Variants in MAGI2 observed in about 807,000 individuals in gnomAD.
MAGI2 encodes the protein membrane-associated guanylate kinase, WW and PDZ domain-containing protein 2.
MAGI2 carries 35 observed loss-of-function variants against 133.3 expected under a neutral mutation model. The observed-to-expected ratio is 0.26, with a 90% CI of 0.20 to 0.35. The LOEUF (loss-of-function observed/expected upper bound fraction) is 0.35, where lower values mean the gene tolerates loss of function less well. Among genes scored for constraint, MAGI2 ranks in the 10% least tolerant of loss-of-function variants. The pLI, the probability that MAGI2 is intolerant of heterozygous loss-of-function variation, is 1.00. For synonymous variants in MAGI2, 729 were observed against 710.6 expected (o/e 1.03, Z -0.41); for missense variants, 1,636 against 1,863.4 (o/e 0.88, Z 2.25).
At chr7:79,062,003 T>C (rs917953619) in intron 1 of MAGI2, among the ~76,000 whole-genome samples, 11 of 152,134 alleles carry the variant, frequency 7.2e-5, no homozygotes, top group Admixed American at 1.3e-4. Context: ...AAATCCACAA[T>C]ACATTTCCAG....
intron 3 of MAGI2, among the ~76,000 whole-genome samples, chr7:78,608,591 T>G (rs1017227314): frequency 1.2e-4 from 19 of 152,120 alleles, no homozygotes; most frequent in African/African-American, 4.6e-4. Context: ...ATTATCATTA[T>G]TATTCATGCT....
chr7:79,326,243 C>A (rs1839686073), intron 1 of MAGI2, among the ~76,000 whole-genome samples: 1 of 151,972 alleles, frequency 6.6e-6, no homozygotes, highest in African/African-American at 2.4e-5. Context: ...AGCACGGCTT[C>A]TAGATTTTTA....
At chr7:79,352,652 TA>T (rs1374671010) in intron 1 of MAGI2, among the ~76,000 whole-genome samples, 3 of 152,198 alleles carry the variant, frequency 2.0e-5, no homozygotes, top group Non-Finnish European at 4.4e-5. Context: ...TAATGTCAGG[TA>T]GAATTTAATA....
intron 1 of MAGI2, among the ~76,000 whole-genome samples, chr7:79,401,595 A>T (rs907273244): frequency 2.6e-5 from 4 of 152,206 alleles, no homozygotes; most frequent in African/African-American, 9.6e-5. Flanking sequence ...AAAAGTCCAA[A>T]CTTAGATACA....
chr7:78,973,423 T>C (rs1803959440), intron 2 of MAGI2, among the ~76,000 whole-genome samples: 1 of 151,798 alleles, frequency 6.6e-6, no homozygotes, highest in African/African-American at 2.4e-5. Flanking sequence ...GTTAGATTGA[T>C]GGGAAGATAG....
chr7:78,872,543 A>ATAATACTGAATAG (rs948023022), intron 2 of MAGI2, among the ~76,000 whole-genome samples: 9 of 152,110 alleles, frequency 5.9e-5, no homozygotes, highest in African/African-American at 1.7e-4. Flanking sequence ...ATAAGTCAAA[A>ATAATACTGAATAG]TAATACTGAA....
chr7:78,117,773 C>T lies in MAGI2; in HGVS notation c.3567+7921G>A, dbSNP rs546350688. Among the ~76,000 whole-genome samples the T allele has an allele frequency of 2.0e-5, 3 of 152,206 alleles. No individual in the cohort carries two copies. The South Asian group carries it at 6.2e-4, about 32-fold the overall frequency. On this transcript the variant is annotated intron_variant, in intron 20 of 21. Coordinates refer to ENST00000354212, the MANE Select transcript of MAGI2 (RefSeq NM_012301.4). ...TATGCAGAAAATCCAGAGGTAGGTA[C>T]AGATAAATTATTTGAAGTAATAAGA...
chr7:78,249,300 A>G (rs1183304358), intron 10 of MAGI2, among the ~76,000 whole-genome samples: 2 of 152,170 alleles, frequency 1.3e-5, no homozygotes, highest in East Asian at 3.8e-4. Context: ...AGAAAACAGT[A>G]TGGAAGTTCC....
At position 79,132,569 on chromosome 7, in the gene MAGI2, T is replaced by C. The variant is rs1821030201; in HGVS notation, c.302-125363A>G. On this transcript the variant is annotated intron_variant, in intron 1 of 21. Transcript: ENST00000354212. ...AATGGGCACTTAGGTTGGTTCCACATCTTTGCAATTATGAATTTTGCTTCT... is the reference window on the plus strand; with the variant it reads ...AATGGGCACTTAGGTTGGTTCCACACCTTTGCAATTATGAATTTTGCTTCT... Among the ~76,000 whole-genome samples the C allele has an allele frequency of 2.0e-5, 3 of 152,262 alleles. No individual in the cohort carries two copies. The South Asian group carries it at 6.2e-4, about 32-fold the overall frequency.
intron 2 of MAGI2, chr7:78,771,009 T>G (rs1825534034): frequency 6.6e-6 from 1 of 152,190 alleles, no homozygotes; most frequent in South Asian, 2.1e-4. Flanking sequence ...GCTTTGATTT[T>G]TCAACATGGA....
intron 1 of MAGI2, among the ~76,000 whole-genome samples, chr7:79,376,718 A>T (rs927672101): frequency 6.6e-6 from 1 of 151,916 alleles, no homozygotes; most frequent in Non-Finnish European, 1.5e-5. Context: ...TTTGTTTCAA[A>T]TAAATGAATT....
chr7:78,769,687 G>C (rs1825386836), intron 2 of MAGI2, among the ~76,000 whole-genome samples: 2 of 152,160 alleles, frequency 1.3e-5, no homozygotes, highest in Non-Finnish European at 2.9e-5. Context: ...ACAAGAAAAT[G>C]TCAGCTCACA....
At chr7:79,296,948 G>A (rs2129559339) in intron 1 of MAGI2, among the ~76,000 whole-genome samples, 1 of 152,194 alleles carries the variant, frequency 6.6e-6, no homozygotes, top group South Asian at 2.1e-4. Context: ...ACTCTGATTT[G>A]ACATTATACA....
In MAGI2 at chr7:78,223,858, TTCA is replaced by T. The variant is rs149820798; in HGVS notation, c.2048-22668_2048-22666del. Among the ~76,000 whole-genome samples, 1,433 of 152,270 alleles carry T rather than the reference TTCA, an allele frequency of 9.4e-3. 21 individuals are homozygous for T. Among genetic ancestry groups the T allele is most frequent in the African/African-American group, 0.032 (1,344 of 41,536 alleles). The stretch of plus-strand genomic sequence containing the variant: ...ATGAGTATAAAATATCACTATTATA[TTCA>T]TCATCATTATTGTCTATTTTTATTA... On this transcript the variant is annotated intron_variant, in intron 10 of 21. Coordinates refer to ENST00000354212, the MANE Select transcript of MAGI2 (RefSeq NM_012301.4).
chr7:78,442,043 G>A (rs574248894), intron 6 of MAGI2, among the ~76,000 whole-genome samples: 11 of 152,122 alleles, frequency 7.2e-5, no homozygotes, highest in Non-Finnish European at 8.8e-5. Flanking sequence ...AAAATAAAAG[G>A]GATCCTCCTT....
At chr7:78,120,467 A>G (rs1820325659) in intron 20 of MAGI2, among the ~76,000 whole-genome samples, 1 of 152,198 alleles carries the variant, frequency 6.6e-6, no homozygotes, top group Admixed American at 6.5e-5. Flanking sequence ...AAAGCCCAAG[A>G]ACATCCCAAC....
chr7:79,290,897 A>G (rs972534991), intron 1 of MAGI2, among the ~76,000 whole-genome samples: 8 of 152,132 alleles, frequency 5.3e-5, no homozygotes, highest in African/African-American at 7.2e-5. Flanking sequence ...TTTAAAGTGT[A>G]TAAGTCATTT....
At chr7:78,800,670 A>G (rs779185779) in intron 2 of MAGI2, among the ~76,000 whole-genome samples, 5 of 152,144 alleles carry the variant, frequency 3.3e-5, no homozygotes, top group Non-Finnish European at 2.9e-5. Context: ...TGTGAAAGTG[A>G]TGTTATAATG....
chr7:79,391,850 A>T (rs1331463864), intron 1 of MAGI2, among the ~76,000 whole-genome samples: 1 of 151,540 alleles, frequency 6.6e-6, no homozygotes, highest in African/African-American at 2.4e-5. Flanking sequence ...CACCCGGCTA[A>T]TTTTTTTGTA....
Sources: gnomAD v4.1 joint callset for allele counts (sites outside exome capture counted in the v4.1 genomes callset) on GRCh38, gnomAD v4.1.1 for gene constraint, MANE v1.5 for transcripts, NCBI Gene and HGNC (gene_info 2026-07-23, HGNC 2026-07-21) for gene names.